The following CADM2 variants were observed in gnomAD, a reference collection of about 807,000 sequenced individuals.
The protein encoded by CADM2 is cell adhesion molecule 2, also known as immunoglobulin superfamily member 4D.
Under a neutral mutation model 49.8 loss-of-function variants are expected in CADM2, and 12 were observed. The ratio of observed to expected loss-of-function variants is 0.24; its 90% confidence interval spans 0.15 to 0.39. The LOEUF is 0.39. Ranked by LOEUF, CADM2 falls within the 10% of genes least tolerant of loss-of-function variation. The probability of loss-of-function intolerance (pLI) is 1.00; values close to 1 mark genes in which losing one functional copy is unlikely to be tolerated. For missense variants in CADM2, 378 were observed against 492.3 expected (o/e 0.77, Z 2.20); for synonymous variants, 214 against 175.4 (o/e 1.22, Z -1.74).
intron 1 of CADM2, among the ~76,000 whole-genome samples, chr3:84,984,356 TAAAAAAAAAAA>T (rs375702349): frequency 0.42 from 28,423 of 67,992 alleles, 4,368 homozygotes; most frequent in Middle Eastern, 0.57. Context: ...AAGATTAAGC[TAAAAAAAAAAA>T]AAAAAAAAAA....
At chr3:85,529,626 T>A (rs1378743242) in intron 1 of CADM2, among the ~76,000 whole-genome samples, 1 of 152,106 alleles carries the variant, frequency 6.6e-6, no homozygotes, top group Non-Finnish European at 1.5e-5. Context: ...AATTAAAACA[T>A]GGTCTACCTT....
intron 8 of CADM2, among the ~76,000 whole-genome samples, chr3:86,037,988 C>T (rs913899355): frequency 2.0e-5 from 3 of 152,036 alleles, no homozygotes; most frequent in African/African-American, 4.8e-5. Flanking sequence ...CCTCCATTTG[C>T]CCCCAACCCC....
intron 2 of CADM2, among the ~76,000 whole-genome samples, chr3:85,797,210 G>A (rs2108053949): frequency 6.6e-6 from 1 of 152,006 alleles, no homozygotes; most frequent in African/African-American, 2.4e-5. Context: ...ATAAAGTTAG[G>A]TGGAAACTTG....
chr3:85,365,835 A>C (rs2107298349), intron 1 of CADM2, among the ~76,000 whole-genome samples: 1 of 152,294 alleles, frequency 6.6e-6, no homozygotes, highest in Admixed American at 6.5e-5. Context: ...ACATTCCTAT[A>C]ATTGAAATTA....
At chr3:84,991,626 A>G (rs753114939) in intron 1 of CADM2, among the ~76,000 whole-genome samples, 3 of 152,210 alleles carry the variant, frequency 2.0e-5, no homozygotes, top group Non-Finnish European at 4.4e-5. Flanking sequence ...CTCTTATGAC[A>G]CAATCCAGCA....
At chr3:85,972,637 G>A (rs1273512678) in intron 8 of CADM2, among the ~76,000 whole-genome samples, 1 of 151,664 alleles carries the variant, frequency 6.6e-6, no homozygotes, top group African/African-American at 2.4e-5. Context: ...TTTTTAAAAA[G>A]ATAAACTGCC....
intron 2 of CADM2, among the ~76,000 whole-genome samples, chr3:85,771,592 A>G (rs1239299051): frequency 1.3e-5 from 2 of 152,118 alleles, no homozygotes; most frequent in Admixed American, 1.3e-4. Flanking sequence ...CATTTGACGG[A>G]AATACTAGAA....
intron 1 of CADM2, among the ~76,000 whole-genome samples, chr3:85,591,160 C>T (rs1199142398): frequency 4.0e-5 from 6 of 151,886 alleles, no homozygotes; most frequent in Non-Finnish European, 8.8e-5. Flanking sequence ...CCTTTTAAGC[C>T]TGTTATTCAT....
chr3:85,638,684 T>A (rs1448279679), intron 1 of CADM2, among the ~76,000 whole-genome samples: 1 of 152,140 alleles, frequency 6.6e-6, no homozygotes, highest in Non-Finnish European at 1.5e-5. Flanking sequence ...ACTCTTAAAA[T>A]TTGCTTTAAA....
intron 8 of CADM2, among the ~76,000 whole-genome samples, chr3:85,976,121 C>A (rs374097097): frequency 1.3e-5 from 2 of 151,488 alleles, no homozygotes; most frequent in East Asian, 1.9e-4. Flanking sequence ...TATATAATTT[C>A]TCTGCGTATG....
rs572712197 is a variant in CADM2 at position 86,070,453 on chromosome 3, A to C, written c.*3670A>C. The C allele has an allele frequency of 1.1e-4, 17 of 152,038 alleles. No individual in the cohort carries two copies. Among genetic ancestry groups the C allele is most frequent in the African/African-American group, 4.1e-4 (17 of 41,550 alleles). The allele number at this position is 152,038 out of a possible 1,614,324, so 9.4% of individuals were successfully genotyped here. On this transcript the variant is annotated 3_prime_UTR_variant, in exon 10 of 10. Transcript: ENST00000383699. ...TGCCTTTTGTTTTTCTTTGGACATC[A>C]AGGTAATTTAGTGGACAACAAATAT...
At chr3:85,702,167 G>T (rs1474618525) in intron 1 of CADM2, among the ~76,000 whole-genome samples, 5 of 152,052 alleles carry the variant, frequency 3.3e-5, no homozygotes, top group African/African-American at 1.2e-4. Flanking sequence ...AAATTCTTCT[G>T]CAGCCTCACA....
chr3:85,380,983 C>T (rs991459913), intron 1 of CADM2, among the ~76,000 whole-genome samples: 1 of 151,818 alleles, frequency 6.6e-6, no homozygotes. Context: ...CTTCCAACTA[C>T]GAATGATATT....
At chr3:85,124,819 T>A (rs1461501543) in intron 1 of CADM2, among the ~76,000 whole-genome samples, 3 of 152,202 alleles carry the variant, frequency 2.0e-5, no homozygotes, top group Admixed American at 1.3e-4. Flanking sequence ...GAATATCTCA[T>A]GTAATTTATT....
intron 1 of CADM2, among the ~76,000 whole-genome samples, chr3:85,006,280 C>T (rs2033722720): frequency 6.6e-6 from 1 of 152,072 alleles, no homozygotes; most frequent in Non-Finnish European, 1.5e-5. Flanking sequence ...TTTGTGTGTA[C>T]CCAGCAGGGA....
At chr3:85,304,713 A>C (rs1005967544) in intron 1 of CADM2, among the ~76,000 whole-genome samples, 2 of 151,842 alleles carry the variant, frequency 1.3e-5, no homozygotes, top group East Asian at 3.9e-4. Context: ...GCATACCAAT[A>C]GTTTAATTTC....
intron 1 of CADM2, among the ~76,000 whole-genome samples, chr3:85,412,923 C>T (rs2035723364): frequency 2.6e-5 from 4 of 151,312 alleles, no homozygotes; most frequent in African/African-American, 7.3e-5. Context: ...GGGCGGATCA[C>T]GAGGTCAGGA....
Position 85,885,800 on chromosome 3 carries a change from C to T in CADM2, c.392-390C>T, listed in dbSNP as rs185852545. On this transcript the variant is annotated intron_variant, in intron 4 of 9. Coordinates refer to ENST00000383699, the MANE Select transcript of CADM2 (RefSeq NM_001167675.2). ...TTGGGAGGCAAAGGTTGCAGTGAGC[C>T]GAGATCGAGCCAGTCCACTCCATCC... Among the ~76,000 whole-genome samples, 442 of 137,586 alleles carry T rather than the reference C, an allele frequency of 3.2e-3. 1 individual carries two copies. Among genetic ancestry groups the T allele is most frequent in the Non-Finnish European group, 4.9e-3 (328 of 66,268 alleles). 90.3% of individuals were successfully genotyped at this position (137,586 alleles called of 152,430 possible).
At chr3:85,530,714 T>C (rs958076691) in intron 1 of CADM2, among the ~76,000 whole-genome samples, 8 of 152,084 alleles carry the variant, frequency 5.3e-5, no homozygotes, top group African/African-American at 1.7e-4. Context: ...ACCATGTTTG[T>C]TTACCATTAC....
Sources: gnomAD v4.1 joint callset for allele counts (sites outside exome capture counted in the v4.1 genomes callset) on GRCh38, gnomAD v4.1.1 for gene constraint, MANE v1.5 for transcripts, NCBI Gene and HGNC (gene_info 2026-07-23, HGNC 2026-07-21) for gene names.